Variants in CCDC171 observed in about 807,000 individuals in gnomAD.
The protein encoded by CCDC171 is coiled-coil domain containing 171.
In CCDC171, 177 loss-of-function variants were observed where a neutral mutation model predicts 168.2. The observed-to-expected ratio is 1.05, with a 90% CI of 0.93 to 1.19. The LOEUF is 1.19. Ranked by LOEUF, CCDC171 falls within the 50% of genes most tolerant of loss-of-function variation. The pLI, the probability that CCDC171 is intolerant of heterozygous loss-of-function variation, is 0.00. For missense variants in CCDC171, 1,991 were observed against 1,539.0 expected, an observed-to-expected ratio of 1.29 and a Z score of -4.91; for synonymous variants, 687 against 540.8, an observed-to-expected ratio of 1.27 and a Z score of -3.75.
At position 15,721,807 on chromosome 9, in the gene CCDC171, G is replaced by A. The variant is rs911617248; in HGVS notation, c.1357G>A (p.Val453Ile). 3.2e-6 allele frequency: 5 copies of A among 1,563,478 alleles called. No homozygotes were observed. The South Asian group carries it at 6.0e-5, about 19-fold the overall frequency. The change falls in exon 12 of 26, where the codon GTT (valine) becomes ATT (isoleucine). Residue 453 changes from valine (V) to isoleucine (I), a missense_variant. Transcript: ENST00000380701. ...CAAAGATAAACCTCCCAGCTTCTCT[G>A]TTGTCCTTGAGAGATTGAGGCGTAC... is the stretch of plus-strand genomic sequence containing the variant. ...KDKDKPPSFS[V>I]VLERLRRTLT...
intron 20 of CCDC171, 112 bp downstream of exon 20, chr9:15,779,262 C>T: frequency 1.8e-6 from 1 of 540,700 alleles, no homozygotes; most frequent in Non-Finnish European, 2.9e-6. Flanking sequence ...AATTCAAAAG[C>T]CTATTAATAA....
chr9:15,877,605 A>G (rs2131285853), intron 24 of CCDC171, among the ~76,000 whole-genome samples: 1 of 152,248 alleles, frequency 6.6e-6, no homozygotes, highest in East Asian at 1.9e-4. Context: ...TTCCTGCAGC[A>G]AATTTAAACC....
At chr9:15,921,264 T>TTCC (rs1162883702) in intron 25 of CCDC171, among the ~76,000 whole-genome samples, 1 of 151,672 alleles carries the variant, frequency 6.6e-6, no homozygotes, top group Non-Finnish European at 1.5e-5. Context: ...TGTGGTCTGA[T>TTCC]TCCTCACCTT....
In CCDC171 at chr9:15,739,800, C is replaced by T. The variant is rs534346538; in HGVS notation, c.2050-4473C>T. On this transcript the variant is annotated intron_variant, in intron 16 of 25. Coordinates refer to ENST00000380701, the MANE Select transcript of CCDC171 (RefSeq NM_173550.4). ...TCGCCCAAGCTGGAGTGCAGTGGCA[C>T]GATCTTGGCTCACTGCAACCTCTGC... is the stretch of plus-strand genomic sequence containing the variant. Among the ~76,000 whole-genome samples, 6 of 151,312 alleles carry T rather than the reference C, an allele frequency of 4.0e-5. No homozygotes were observed. The East Asian group carries it at 7.8e-4, about 20-fold the overall frequency.
Position 15,727,891 on chromosome 9 carries a change from C to G in CCDC171, c.1715C>G (p.Thr572Ser), listed in dbSNP as rs760403715. The change falls in exon 15 of 26, where the codon ACC becomes AGC. Residue 572 changes from threonine (T) to serine (S), a missense_variant. Transcript: ENST00000380701. ...DAEEKLTFLH[T>S]LYQHLVAGCV... ...CAGGAGAAGCTAACCTTCCTTCACA[C>G]CTTATATCAGCACTTGGTAGCAGGC... 6.2e-7 allele frequency: 1 copy of G among 1,612,366 alleles called. No individual in the cohort carries two copies. The highest frequency in any genetic ancestry group is 8.5e-7 in the Non-Finnish European group (1 of 1,179,158).
intron 10 of CCDC171, among the ~76,000 whole-genome samples, chr9:15,694,368 A>G (rs1257644767): frequency 6.6e-6 from 1 of 152,134 alleles, no homozygotes; most frequent in African/African-American, 2.4e-5. Flanking sequence ...TTGTTCATTC[A>G]CATATATTTA....
At position 15,745,549 on chromosome 9, in the gene CCDC171, G is replaced by T. The variant is rs779832218; in HGVS notation, c.2589G>T (p.Ala863=). Residue 863 remains alanine (A), a synonymous_variant, in exon 18 of 26, where the codon GCG becomes GCT. Transcript: ENST00000380701. ...AGGAGCAGTTGCGTTGTTTACAAGC[G>T]CTCAGTTGGCTCACCAGTTCTGACC... The part of the protein sequence containing the change: ...HQKEQLRCLQ[A]LSWLTSSDLL... The T allele has an allele frequency of 3.8e-6, 6 of 1,587,444 alleles. No individual in the cohort carries two copies. In the African/African-American group the frequency reaches 8.2e-5, roughly 22 times the overall value.
intron 25 of CCDC171, among the ~76,000 whole-genome samples, chr9:15,949,010 G>A (rs1828779906): frequency 6.6e-6 from 1 of 152,148 alleles, no homozygotes; most frequent in Admixed American, 6.6e-5. Flanking sequence ...TAAGGTGTAA[G>A]GAAGGGATCC....
In CCDC171 at chr9:15,880,463, C is replaced by CTT. The variant is rs59892028; in HGVS notation, c.3600+5812_3600+5813dup. Among the ~76,000 whole-genome samples the CTT allele has an allele frequency of 8.7e-3, 1,224 of 140,984 alleles. 18 individuals are homozygous for CTT. The highest frequency in any genetic ancestry group is 0.025 in the African/African-American group (936 of 38,000). 92.5% of individuals were successfully genotyped at this position (140,984 alleles called of 152,430 possible). ...GTCACTTCCAATTCTCTCTCTCTCT[C>CTT]TTTTTTTTTTTTTGAGACGGAGTCT... On this transcript the variant is annotated intron_variant, in intron 24 of 25. Transcript: ENST00000380701.
chr9:15,883,442 C>A (rs983216158), intron 24 of CCDC171, among the ~76,000 whole-genome samples: 5 of 151,984 alleles, frequency 3.3e-5, no homozygotes, highest in African/African-American at 1.2e-4. Context: ...TAAGGTAGTG[C>A]CTTCTGTCTC....
At chr9:15,754,269 T>C (rs1401200994) in intron 18 of CCDC171, among the ~76,000 whole-genome samples, 1 of 152,170 alleles carries the variant, frequency 6.6e-6, no homozygotes, top group Non-Finnish European at 1.5e-5. Context: ...TGATTTTGTA[T>C]CCAAATGTAG....
chr9:16,094,590 T>C, the CCDC171 span, among the ~76,000 whole-genome samples: 9 of 152,108 alleles, frequency 5.9e-5, no homozygotes, highest in Admixed American at 5.9e-4. Flanking sequence ...GGAAAAGAAG[T>C]TATTTGGGAA....
At chr9:15,756,077 A>G (rs951253778) in intron 18 of CCDC171, among the ~76,000 whole-genome samples, 13 of 152,126 alleles carry the variant, frequency 8.5e-5, no homozygotes, top group African/African-American at 3.1e-4. Context: ...TTCTTGTTTC[A>G]TTGACTTGAA....
intron 3 of CCDC171, among the ~76,000 whole-genome samples, chr9:15,984,518 T>C (rs1328266): frequency 0.048 from 7,363 of 152,136 alleles, 375 homozygotes; most frequent in African/African-American, 0.12. Context: ...TCTTTGATCC[T>C]ACTTCTAGAA....
At chr9:15,571,480 C>A in intron 2 of CCDC171, 144 bp from the exon 3 acceptor site, 1 of 575,160 alleles carries the variant, frequency 1.7e-6, no homozygotes, top group Non-Finnish European at 2.9e-6. Context: ...CAGTGGACAT[C>A]TTTTACTAGA....
At chr9:15,690,756 A>G (rs1358025372) in intron 10 of CCDC171, among the ~76,000 whole-genome samples, 1 of 152,224 alleles carries the variant, frequency 6.6e-6, no homozygotes, top group Admixed American at 6.5e-5. Flanking sequence ...TAACAAAAAG[A>G]GATTGCTTTT....
At chr9:15,945,324 A>G (rs199514982) in intron 25 of CCDC171, among the ~76,000 whole-genome samples, 1 of 146,286 alleles carries the variant, frequency 6.8e-6, no homozygotes, top group Non-Finnish European at 1.5e-5. Flanking sequence ...ATTGTGAATA[A>G]TGCCGCAATA....
At chr9:16,021,509 G>T (rs971612579) in intron 4 of CCDC171, among the ~76,000 whole-genome samples, 1 of 152,328 alleles carries the variant, frequency 6.6e-6, no homozygotes, top group East Asian at 1.9e-4. Context: ...GGTAACTAAA[G>T]GCAGGGATTT....
chr9:15,644,161 C>A (rs1184761149), intron 7 of CCDC171, among the ~76,000 whole-genome samples: 1 of 152,210 alleles, frequency 6.6e-6, no homozygotes, highest in Non-Finnish European at 1.5e-5. Context: ...TTTTCCACAG[C>A]AGCCAAACCA....
Sources: allele counts gnomAD v4.1 joint callset (sites outside exome capture counted in the v4.1 genomes callset), GRCh38; gene constraint gnomAD v4.1.1; transcripts MANE v1.5; gene names NCBI Gene and HGNC (gene_info 2026-07-23, HGNC 2026-07-21).